The following BEND6 variants were observed in gnomAD, a reference collection of about 807,000 sequenced individuals.
BEND6 encodes the protein BEN domain containing 6.
Under a neutral mutation model 31.8 loss-of-function variants are expected in BEND6, and 24 were observed. The observed-to-expected ratio is 0.75, with a 90% confidence interval of 0.55 to 1.06. The LOEUF is 1.06. BEND6 is among the 50% of genes least tolerant of loss of function. The pLI, the probability that BEND6 is intolerant of heterozygous loss-of-function variation, is 0.00. For missense variants in BEND6, 294 were observed against 327.4 expected (o/e 0.90, Z 0.79); for synonymous variants, 109 against 114.6 (o/e 0.95, Z 0.31).
At chr6:57,006,522 A>C (rs1354500103) in intron 3 of BEND6, among the ~76,000 whole-genome samples, 1 of 152,236 alleles carries the variant, frequency 6.6e-6, no homozygotes, top group Non-Finnish European at 1.5e-5. Context: ...TGATATTCCA[A>C]GCTACCTTCT....
intron 3 of BEND6, among the ~76,000 whole-genome samples, chr6:57,003,732 G>C (rs1255244452): frequency 6.6e-6 from 1 of 152,066 alleles, no homozygotes; most frequent in Non-Finnish European, 1.5e-5. Context: ...AATGAAAAAA[G>C]AAAACTACAG....
At chr6:56,967,725 G>A (rs374178943) in intron 1 of BEND6, among the ~76,000 whole-genome samples, 71 of 152,314 alleles carry the variant, frequency 4.7e-4, no homozygotes, top group African/African-American at 1.7e-3. Flanking sequence ...GGCAAGGAGG[G>A]CCCTGTAAGG....
At chr6:56,972,306 G>A (rs1464314831) in intron 1 of BEND6, among the ~76,000 whole-genome samples, 1 of 151,818 alleles carries the variant, frequency 6.6e-6, no homozygotes, top group Non-Finnish European at 1.5e-5. Flanking sequence ...CTTTGGCCAG[G>A]CTGGTCTCGA....
In BEND6 at chr6:57,026,618, GTAA is replaced by G. The variant is rs1371549151; in HGVS notation, c.*551_*553del. 6.6e-5 allele frequency: 10 copies of G among 152,092 alleles called. No homozygotes were observed. Among genetic ancestry groups the G allele is most frequent in the Non-Finnish European group, 1.3e-4 (9 of 68,016 alleles). 9.4% of individuals were successfully genotyped at this position (152,092 alleles called of 1,614,324 possible). A position where few individuals can be genotyped will look rare whatever the true frequency, so the allele number is the denominator to read the frequency against. ...AAATCTGATAATCATGTCTAACCAA[GTAA>G]TAATGTTTTAGCAATAAAATTACAG... On this transcript the variant is annotated 3_prime_UTR_variant, in exon 7 of 7. Transcript: ENST00000370746.
intron 1 of BEND6, among the ~76,000 whole-genome samples, chr6:56,973,478 T>A (rs1179275226): frequency 6.6e-6 from 1 of 152,198 alleles, no homozygotes; most frequent in Non-Finnish European, 1.5e-5. Flanking sequence ...GTTTAATTTA[T>A]TAATTAGGCA....
intron 2 of BEND6, among the ~76,000 whole-genome samples, chr6:56,986,143 C>T (rs760475044): frequency 1.1e-4 from 16 of 151,974 alleles, no homozygotes; most frequent in Non-Finnish European, 2.4e-4. Flanking sequence ...ATACATTTAA[C>T]GTGGGTATAG....
At chr6:57,011,985 C>T (rs1218436381) in intron 3 of BEND6, among the ~76,000 whole-genome samples, 2 of 151,818 alleles carry the variant, frequency 1.3e-5, no homozygotes, top group Admixed American at 6.6e-5. Flanking sequence ...AATTAGCTGG[C>T]ATGGTAGTGC....
At chr6:57,009,027 G>C (rs116105803) in intron 3 of BEND6, 1 of 152,276 alleles carries the variant, frequency 6.6e-6, no homozygotes, top group African/African-American at 2.4e-5. Context: ...GCGAGGAATA[G>C]AAAGTTAAAC....
chr6:56,987,087 C>A (rs755215828), intron 2 of BEND6, among the ~76,000 whole-genome samples: 6 of 150,878 alleles, frequency 4.0e-5, no homozygotes, highest in Non-Finnish European at 8.8e-5. Flanking sequence ...AAACAATTCT[C>A]GTGCCTCAGC....
intron 6 of BEND6, 106 bp downstream of exon 6, chr6:57,018,663 T>TA: frequency 1.7e-6 from 2 of 1,165,908 alleles, no homozygotes; most frequent in South Asian, 2.7e-5. Flanking sequence ...AAAATACTAG[T>TA]GACCCATGAA....
At chr6:57,008,375 T>G (rs191995938) in intron 3 of BEND6, 31 of 621,066 alleles carry the variant, frequency 5.0e-5, no homozygotes, top group Admixed American at 4.3e-4. Flanking sequence ...CTTTGATGTC[T>G]GGGCACTGAT....
chr6:56,958,620 A>G (rs1825178542), intron 1 of BEND6, among the ~76,000 whole-genome samples: 1 of 152,224 alleles, frequency 6.6e-6, no homozygotes, highest in African/African-American at 2.4e-5. Context: ...AGTCATCAAC[A>G]TTGTAGTTGG....
At chr6:56,986,316 T>C (rs924931771) in intron 2 of BEND6, among the ~76,000 whole-genome samples, 1 of 152,266 alleles carries the variant, frequency 6.6e-6, no homozygotes, top group Middle Eastern at 3.4e-3. Flanking sequence ...CTCGCACCTA[T>C]AAACCCAGCT....
At chr6:56,955,505 G>A (rs1043913175) in intron 1 of BEND6, 45 bp downstream of exon 1, 3 of 152,316 alleles carry the variant, frequency 2.0e-5, no homozygotes, top group Non-Finnish European at 4.4e-5. Flanking sequence ...TGAAGCGCGA[G>A]CGCCGGGAAG....
At chr6:56,992,800 A>C (rs1826558068) in intron 3 of BEND6, among the ~76,000 whole-genome samples, 1 of 152,208 alleles carries the variant, frequency 6.6e-6, no homozygotes, top group African/African-American at 2.4e-5. Context: ...TATTCATTTA[A>C]TAGTTTTTAA....
intron 2 of BEND6, among the ~76,000 whole-genome samples, chr6:56,984,212 C>T (rs960846033): frequency 7.9e-5 from 12 of 151,090 alleles, no homozygotes; most frequent in African/African-American, 2.9e-4. Flanking sequence ...CAGAGCCAGA[C>T]CTTGTCTCAA....
chr6:57,015,047 A>G (rs1469582139), intron 3 of BEND6, 86 bp from the exon 4 acceptor site: 1 of 1,052,296 alleles, frequency 9.5e-7, no homozygotes, highest in Non-Finnish European at 1.4e-6. Context: ...GCATATTTCT[A>G]TGCACATACA....
intron 2 of BEND6, among the ~76,000 whole-genome samples, chr6:56,984,161 C>T (rs1826169401): frequency 2.6e-5 from 4 of 151,594 alleles, no homozygotes; most frequent in Admixed American, 2.6e-4. Flanking sequence ...TTTCAGGCTG[C>T]AGTGAGCTGT....
At chr6:56,975,286 A>ATCAGT (rs79148457) in intron 1 of BEND6, among the ~76,000 whole-genome samples, 11 of 151,802 alleles carry the variant, frequency 7.2e-5, no homozygotes, top group African/African-American at 2.7e-4. Context: ...GTAAAAAATA[A>ATCAGT]TCATTCAATA....
Sources: gnomAD v4.1 joint callset for allele counts (sites outside exome capture counted in the v4.1 genomes callset) on GRCh38, gnomAD v4.1.1 for gene constraint, MANE v1.5 for transcripts, NCBI Gene and HGNC (gene_info 2026-07-23, HGNC 2026-07-21) for gene names.